The following ARHGAP20 variants were observed in gnomAD, a reference collection of about 807,000 sequenced individuals.
ARHGAP20 encodes the protein rho GTPase-activating protein 20.
Under a neutral mutation model 73.7 loss-of-function variants are expected in ARHGAP20, and 34 were observed. The ratio of observed to expected loss-of-function variants is 0.46; its 90% confidence interval spans 0.35 to 0.61. The LOEUF (loss-of-function observed/expected upper bound fraction) is 0.61. ARHGAP20 is among the 20% of genes least tolerant of loss of function. The pLI is 0.00. For synonymous variants in ARHGAP20, 523 were observed against 518.2 expected (o/e 1.01, Z -0.13); for missense variants, 1,314 against 1,420.9 (o/e 0.92, Z 1.21).
chr11:110,693,773 A>G (rs1288571683), intron 1 of ARHGAP20, among the ~76,000 whole-genome samples: 2 of 151,920 alleles, frequency 1.3e-5, no homozygotes, highest in Admixed American at 6.6e-5. Flanking sequence ...TGATTCTTTT[A>G]CAGGTGTATA....
At chr11:110,699,146 C>G (rs1008218912) in intron 1 of ARHGAP20, among the ~76,000 whole-genome samples, 1 of 151,654 alleles carries the variant, frequency 6.6e-6, no homozygotes, top group Non-Finnish European at 1.5e-5. Flanking sequence ...TTTTTGATTT[C>G]TTAATTTCAC....
At position 110,607,169 on chromosome 11, in the gene ARHGAP20, C is replaced by T. The variant is rs550005702; in HGVS notation, c.776-420G>A. 2.6e-5 allele frequency among the ~76,000 whole-genome samples: 4 copies of T among 152,226 alleles called. No individual in the cohort carries two copies. In the South Asian group the frequency reaches 8.3e-4, roughly 32 times the overall value. ...TCTATGATTTAAAATATTTTTTCTA[C>T]CTACCACAGAAGTATAAGGATCTAT... is the stretch of plus-strand genomic sequence containing the variant. On this transcript the variant is annotated intron_variant, in intron 8 of 14. Transcript: ENST00000683387.
intron 2 of ARHGAP20, among the ~76,000 whole-genome samples, chr11:110,653,252 C>G (rs1949395259): frequency 6.6e-6 from 1 of 152,138 alleles, no homozygotes; most frequent in African/African-American, 2.4e-5. Context: ...AGCTTCTGCA[C>G]AGCCAAAGAA....
chr11:110,691,895 T>C (rs1233412016), intron 1 of ARHGAP20, among the ~76,000 whole-genome samples: 1 of 152,080 alleles, frequency 6.6e-6, no homozygotes, highest in South Asian at 2.1e-4. Flanking sequence ...AACACATGGG[T>C]TAAAAATAGA....
intron 11 of ARHGAP20, among the ~76,000 whole-genome samples, chr11:110,590,021 T>A (rs1202034011): frequency 6.6e-6 from 1 of 150,532 alleles, no homozygotes; most frequent in Non-Finnish European, 1.5e-5. Context: ...CTCAGGAGGC[T>A]GAGGCAGGAG....
Position 110,712,366 on chromosome 11 carries a change from G to T in ARHGAP20, c.-135C>A. On this transcript the variant is annotated 5_prime_UTR_variant, in exon 1 of 15. Coordinates refer to ENST00000683387, the MANE Select transcript of ARHGAP20 (RefSeq NM_001384657.1). ...TCAGGCAGGGAGCCGAGCTCCGGGT[G>T]CTCGCCGCGCGCCTCCCGTCGGGGC... 2 of 601,870 alleles carry T rather than the reference G, an allele frequency of 3.3e-6. No homozygotes were observed. Among genetic ancestry groups the T allele is most frequent in the Non-Finnish European group, 4.9e-6 (2 of 410,584 alleles). The allele number at this position is 601,870 out of a possible 1,614,324, so 37.3% of individuals were successfully genotyped here.
chr11:110,584,901 ATG>A (rs1591294174), intron 12 of ARHGAP20, among the ~76,000 whole-genome samples: 2 of 142,460 alleles, frequency 1.4e-5, no homozygotes, highest in Admixed American at 1.5e-4. Context: ...AAATGAATAT[ATG>A]TGAATATATA....
chr11:110,646,943 T>C (rs532145093), intron 2 of ARHGAP20, among the ~76,000 whole-genome samples: 21 of 152,036 alleles, frequency 1.4e-4, no homozygotes, highest in Non-Finnish European at 3.1e-4. Context: ...TAACAGATAC[T>C]TGTTCAAGAA....
At chr11:110,660,061 C>CAAAAAAA (rs746439426) in intron 2 of ARHGAP20, among the ~76,000 whole-genome samples, 15 of 69,190 alleles carry the variant, frequency 2.2e-4, no homozygotes, top group East Asian at 8.2e-4. Context: ...TAATAAAAAA[C>CAAAAAAA]AAAAAAAAAA....
At chr11:110,638,575 T>C (rs1478665324) in intron 2 of ARHGAP20, among the ~76,000 whole-genome samples, 4 of 151,780 alleles carry the variant, frequency 2.6e-5, no homozygotes, top group East Asian at 1.9e-4. Flanking sequence ...AATTAATACA[T>C]TGATTTACTG....
In ARHGAP20 at chr11:110,624,189, G is replaced by C. The variant is rs1948687438; in HGVS notation, c.476C>G (p.Pro159Arg). Reference protein sequence around the residue: ...NAMKSFVLGWPTVNFVATFSS... With the variant: ...NAMKSFVLGWRTVNFVATFSS... Reference sequence around the variant, plus strand: ...GAAAGTGGCCACAAAGTTCACTGTGGGCCAGCCCAAAACAAAGGATTTCAT... The same window carrying C: ...GAAAGTGGCCACAAAGTTCACTGTGCGCCAGCCCAAAACAAAGGATTTCAT... The change falls in exon 4 of 15, where the codon CCC becomes CGC. Residue 159 changes from proline to arginine, a missense_variant. By Grantham distance (103) the Pro-to-Arg change is moderately radical. Transcript: ENST00000683387. 1 of 1,612,000 alleles carries C rather than the reference G, an allele frequency of 6.2e-7. No individual in the cohort carries two copies. The highest frequency in any genetic ancestry group is 8.5e-7 in the Non-Finnish European group (1 of 1,179,484).
intron 2 of ARHGAP20, among the ~76,000 whole-genome samples, chr11:110,664,143 C>T (rs984161825): frequency 6.6e-6 from 1 of 152,080 alleles, no homozygotes; most frequent in Non-Finnish European, 1.5e-5. Context: ...TCCACTAGAA[C>T]CACTTCTCTT....
intron 9 of ARHGAP20, among the ~76,000 whole-genome samples, chr11:110,596,768 T>C (rs777701017): frequency 6.6e-6 from 1 of 152,210 alleles, no homozygotes; most frequent in Non-Finnish European, 1.5e-5. Context: ...AAATACCATT[T>C]GACTCAGTAA....
rs768775438 is a variant in ARHGAP20 at position 110,579,700 on chromosome 11, T to G, written c.3246A>C (p.Glu1082Asp). Reference protein sequence around the residue: ...EPPPHASGVPEANSLQEEQKD... With the variant: ...EPPPHASGVPDANSLQEEQKD... ...TTTGTTCCTCTTGCAGTGAGTTGGCTTCTGGAACACCAGAAGCATGTGGGG... is the reference window on the plus strand; with the variant it reads ...TTTGTTCCTCTTGCAGTGAGTTGGCGTCTGGAACACCAGAAGCATGTGGGG... The change falls in exon 15 of 15, where the codon GAA (glutamate) becomes GAC (aspartate). Residue 1082 changes from glutamate (E) to aspartate (D), a missense_variant. Physicochemically the swap from Glu to Asp is conservative, Grantham distance 45. Transcript: ENST00000683387. 1 of 1,614,196 alleles carries G rather than the reference T, an allele frequency of 6.2e-7. No homozygotes were observed. The highest frequency in any genetic ancestry group is 8.5e-7 in the Non-Finnish European group (1 of 1,180,016).
chr11:110,684,725 C>T (rs1437107339), intron 2 of ARHGAP20, among the ~76,000 whole-genome samples: 1 of 152,092 alleles, frequency 6.6e-6, no homozygotes, highest in Non-Finnish European at 1.5e-5. Context: ...CCATGGAATA[C>T]TACGCAGACA....
At chr11:110,674,357 G>A (rs560370000) in intron 2 of ARHGAP20, among the ~76,000 whole-genome samples, 2 of 152,132 alleles carry the variant, frequency 1.3e-5, no homozygotes, top group African/African-American at 4.8e-5. Context: ...TTAAATTAAA[G>A]CAATTATTAA....
intron 2 of ARHGAP20, among the ~76,000 whole-genome samples, chr11:110,679,617 C>T (rs1949999729): frequency 6.6e-6 from 1 of 152,110 alleles, no homozygotes; most frequent in African/African-American, 2.4e-5. Flanking sequence ...TAATGAAACA[C>T]AAAACTGTAG....
intron 8 of ARHGAP20, among the ~76,000 whole-genome samples, chr11:110,607,953 T>C (rs1171820309): frequency 6.6e-6 from 1 of 152,204 alleles, no homozygotes; most frequent in East Asian, 1.9e-4. Context: ...AATAACTTTA[T>C]TGCTCATTGA....
chr11:110,676,857 G>GT (rs1169624094), intron 2 of ARHGAP20, among the ~76,000 whole-genome samples: 13 of 151,820 alleles, frequency 8.6e-5, no homozygotes, highest in African/African-American at 2.9e-4. Context: ...CAGATTTATG[G>GT]TGTATAACAT....
Sources: allele counts gnomAD v4.1 joint callset (sites outside exome capture counted in the v4.1 genomes callset), GRCh38; gene constraint gnomAD v4.1.1; transcripts MANE v1.5; gene names NCBI Gene and HGNC (gene_info 2026-07-23, HGNC 2026-07-21).